The following PDE1A variants were observed in gnomAD, a reference collection of about 807,000 sequenced individuals.
The protein encoded by PDE1A is phosphodiesterase 1A.
In PDE1A, 35 loss-of-function variants were observed where a neutral mutation model predicts 61.7. The ratio of observed to expected loss-of-function variants is 0.57; its 90% CI spans 0.43 to 0.75. The LOEUF is 0.75. Among genes scored for constraint, PDE1A ranks in the 30% least tolerant of loss-of-function variants. The probability of loss-of-function intolerance (pLI) is 0.00; values close to 1 mark genes in which losing one functional copy is unlikely to be tolerated. For synonymous variants in PDE1A, 232 were observed against 213.2 expected, an observed-to-expected ratio of 1.09 and a Z score of -0.77; for missense variants, 597 against 630.6, an observed-to-expected ratio of 0.95 and a Z score of 0.57.
chr2:182,182,547 A>G (rs1422146698), intron 13 of PDE1A, among the ~76,000 whole-genome samples: 1 of 152,162 alleles, frequency 6.6e-6, no homozygotes, highest in East Asian at 1.9e-4. Flanking sequence ...TCTGTAGCAG[A>G]GTAATCCTTT....
chr2:182,651,696 G>C, the PDE1A span, among the ~76,000 whole-genome samples: 26 of 152,254 alleles, frequency 1.7e-4, no homozygotes, highest in African/African-American at 6.3e-4. Flanking sequence ...TCTAACATTT[G>C]AGGCTTCTAC....
chr2:182,584,604 G>A, the PDE1A span, among the ~76,000 whole-genome samples: 10 of 152,342 alleles, frequency 6.6e-5, no homozygotes, highest in South Asian at 2.1e-4. Context: ...TAGTGTCTGA[G>A]ACAGCTGTGC....
chr2:182,636,541 G>GA, the PDE1A span, among the ~76,000 whole-genome samples: 1 of 151,970 alleles, frequency 6.6e-6, no homozygotes, highest in Non-Finnish European at 1.5e-5. Flanking sequence ...TTCACAATGA[G>GA]AAAAAAACCC....
chr2:182,387,616 G>A (rs1161638199), intron 1 of PDE1A, among the ~76,000 whole-genome samples: 2 of 152,034 alleles, frequency 1.3e-5, no homozygotes, highest in East Asian at 1.9e-4. Context: ...AATTAGCCAG[G>A]TGTGGTGGCG....
At chr2:182,248,988 A>G (rs556460879) in intron 2 of PDE1A, among the ~76,000 whole-genome samples, 57 of 152,322 alleles carry the variant, frequency 3.7e-4, no homozygotes, top group African/African-American at 1.3e-3. Context: ...CAGGTGACTA[A>G]ACTGCTATAT....
At chr2:182,578,125 G>A in the PDE1A span, among the ~76,000 whole-genome samples, 1 of 152,190 alleles carries the variant, frequency 6.6e-6, no homozygotes, top group Non-Finnish European at 1.5e-5. Flanking sequence ...TGGTCTAGAA[G>A]AAGCCCGAAG....
At chr2:182,283,316 A>G (rs1693939892) in intron 1 of PDE1A, among the ~76,000 whole-genome samples, 1 of 151,994 alleles carries the variant, frequency 6.6e-6, no homozygotes. Context: ...CAAAAATAAT[A>G]AAACAAGTTG....
Position 182,257,949 on chromosome 2 carries a change from C to T in PDE1A, c.167+6352G>A, listed in dbSNP as rs541172957. 9.8e-4 allele frequency among the ~76,000 whole-genome samples: 149 copies of T among 152,162 alleles called. 1 individual carries two copies. Among genetic ancestry groups the T allele is most frequent in the African/African-American group, 3.2e-3 (133 of 41,510 alleles). On this transcript the variant is annotated intron_variant, in intron 2 of 13. Coordinates refer to ENST00000351439, the Ensembl canonical transcript of PDE1A. ...TTGGGGGGCCGAGGCGGGCAGATCA[C>T]GAGGTCAGGAGATCGAGACCACCCT...
chr2:182,376,524 G>A (rs1216892466), intron 1 of PDE1A, among the ~76,000 whole-genome samples: 1 of 152,144 alleles, frequency 6.6e-6, no homozygotes, highest in East Asian at 1.9e-4. Flanking sequence ...TCAGCATTTT[G>A]GTTAAAGCCA....
chr2:182,206,018 T>C, exon 8 of PDE1A: 1 of 1,612,826 alleles, frequency 6.2e-7, no homozygotes, highest in South Asian at 1.1e-5. Context: ...ACTCACGTGG[T>C]GATTCTCAAG....
intron 1 of PDE1A, among the ~76,000 whole-genome samples, chr2:182,265,702 C>A (rs184600583): frequency 3.7e-4 from 57 of 152,226 alleles, no homozygotes; most frequent in Admixed American, 9.2e-4. Flanking sequence ...ACAGCTTTGG[C>A]AACTTCTATG....
chr2:182,363,479 G>A (rs2577649), intron 1 of PDE1A, among the ~76,000 whole-genome samples: 3,126 of 152,056 alleles, frequency 0.021, 103 homozygotes, highest in African/African-American at 0.069. Context: ...ACGATAGCCA[G>A]AGAAGACCTT....
intron 2 of PDE1A, among the ~76,000 whole-genome samples, chr2:182,455,187 C>G (rs1574700551): frequency 6.6e-6 from 1 of 152,070 alleles, no homozygotes; most frequent in East Asian, 1.9e-4. Flanking sequence ...CAGAGAAATG[C>G]AAATCAAAAC....
At chr2:182,437,951 T>C (rs1392940691) in intron 2 of PDE1A, among the ~76,000 whole-genome samples, 2 of 151,952 alleles carry the variant, frequency 1.3e-5, no homozygotes, top group Non-Finnish European at 2.9e-5. Context: ...GCTGCTGTTT[T>C]GAATGTACAC....
the PDE1A span, among the ~76,000 whole-genome samples, chr2:182,662,710 T>G: frequency 2.0e-5 from 3 of 151,826 alleles, no homozygotes; most frequent in African/African-American, 7.3e-5. Flanking sequence ...AAGGCCTAAA[T>G]GTAAAACTCT....
chr2:182,196,257 A>G (rs1327429586), intron 10 of PDE1A, among the ~76,000 whole-genome samples: 1 of 151,972 alleles, frequency 6.6e-6, no homozygotes, highest in Non-Finnish European at 1.5e-5. Context: ...AAATTGGTGA[A>G]CTTTCAACAG....
At chr2:182,343,325 A>G (rs1281343486) in intron 1 of PDE1A, among the ~76,000 whole-genome samples, 1 of 152,218 alleles carries the variant, frequency 6.6e-6, no homozygotes, top group Non-Finnish European at 1.5e-5. Flanking sequence ...TTATCACCTT[A>G]TTCCCTGGCT....
chr2:182,303,506 C>T (rs1468376478), intron 1 of PDE1A, among the ~76,000 whole-genome samples: 2 of 152,282 alleles, frequency 1.3e-5, no homozygotes, highest in Non-Finnish European at 1.5e-5. Context: ...CAGGCTTGAT[C>T]GTTCCATTTC....
At chr2:182,689,078 G>A in the PDE1A span, among the ~76,000 whole-genome samples, 1 of 152,144 alleles carries the variant, frequency 6.6e-6, no homozygotes, top group Admixed American at 6.5e-5. Flanking sequence ...CAAGAATAAT[G>A]GGAGACTTTA....
Sources: allele counts gnomAD v4.1 joint callset (sites outside exome capture counted in the v4.1 genomes callset), GRCh38; gene constraint gnomAD v4.1.1; transcripts MANE v1.5; gene names NCBI Gene and HGNC (gene_info 2026-07-23, HGNC 2026-07-21).